Variants in PLXNC1 observed in about 807,000 individuals in gnomAD.
PLXNC1 encodes plexin C1, also known as plexin-C1.
In PLXNC1, 75 loss-of-function variants were observed where a neutral mutation model predicts 178.2. The ratio of observed to expected loss-of-function variants is 0.42; its 90% CI spans 0.35 to 0.51. The LOEUF (loss-of-function observed/expected upper bound fraction) is 0.51, where lower values mean the gene tolerates loss of function less well. PLXNC1 is among the 20% of genes least tolerant of loss of function. The probability of loss-of-function intolerance (pLI) is 0.02; values close to 1 mark genes in which losing one functional copy is unlikely to be tolerated. For missense variants in PLXNC1, 1,503 were observed against 1,984.4 expected (o/e 0.76, Z 4.61); for synonymous variants, 790 against 779.9 (o/e 1.01, Z -0.22).
At chr12:94,298,087 C>T (rs1261034518) in intron 26 of PLXNC1, among the ~76,000 whole-genome samples, 1 of 152,132 alleles carries the variant, frequency 6.6e-6, no homozygotes, top group Non-Finnish European at 1.5e-5. Flanking sequence ...CTGCTTAGAG[C>T]TTAGGAGATT....
intron 27 of PLXNC1, among the ~76,000 whole-genome samples, chr12:94,300,225 G>T (rs1371897383): frequency 6.6e-6 from 1 of 152,224 alleles, no homozygotes; most frequent in South Asian, 2.1e-4. Context: ...GATGATGAGT[G>T]CAGTGGAGAA....
chr12:94,233,667 C>T (rs1470910263), intron 9 of PLXNC1, among the ~76,000 whole-genome samples: 2 of 152,108 alleles, frequency 1.3e-5, no homozygotes, highest in Admixed American at 6.5e-5. Context: ...GAGCCTGTAC[C>T]GAGGGGCCCC....
At chr12:94,218,744 CACAT>C (rs1341914058) in intron 5 of PLXNC1, among the ~76,000 whole-genome samples, 1 of 152,074 alleles carries the variant, frequency 6.6e-6, no homozygotes, top group Admixed American at 6.6e-5. Flanking sequence ...TATCCCTGTA[CACAT>C]ACAAACATAC....
intron 2 of PLXNC1, among the ~76,000 whole-genome samples, chr12:94,171,519 T>C (rs1770711387): frequency 6.6e-6 from 1 of 152,156 alleles, no homozygotes; most frequent in Non-Finnish European, 1.5e-5. Context: ...GGGATGATTG[T>C]TGTTCAAGGT....
At chr12:94,299,567 C>CT (rs34252420) in intron 27 of PLXNC1, among the ~76,000 whole-genome samples, 34 of 151,454 alleles carry the variant, frequency 2.2e-4, no homozygotes, top group African/African-American at 6.8e-4. Context: ...GTTCTAGCCT[C>CT]TTTTTTTTTG....
intron 5 of PLXNC1, among the ~76,000 whole-genome samples, chr12:94,213,200 T>C (rs990009482): frequency 5.3e-5 from 8 of 152,254 alleles, no homozygotes; most frequent in African/African-American, 1.9e-4. Context: ...ATGATATTTC[T>C]AGTTCTAGAT....
At chr12:94,259,028 A>G (rs1964927384) in intron 17 of PLXNC1, among the ~76,000 whole-genome samples, 1 of 152,248 alleles carries the variant, frequency 6.6e-6, no homozygotes, top group Admixed American at 6.5e-5. Flanking sequence ...ATCTTCATCA[A>G]TGACCCCTTC....
intron 23 of PLXNC1, among the ~76,000 whole-genome samples, chr12:94,291,379 A>G (rs1967305076): frequency 1.3e-5 from 2 of 152,100 alleles, no homozygotes; most frequent in African/African-American, 2.4e-5. Flanking sequence ...GTGTGCCACA[A>G]TGCTCAGCGC....
At chr12:94,223,168 C>G (rs894151269) in intron 6 of PLXNC1, among the ~76,000 whole-genome samples, 22 of 152,204 alleles carry the variant, frequency 1.4e-4, no homozygotes, top group Admixed American at 9.8e-4. Context: ...AATCCCAGCA[C>G]TTTGGGAGGC....
intron 21 of PLXNC1, among the ~76,000 whole-genome samples, chr12:94,272,943 G>A (rs1965670222): frequency 6.6e-6 from 1 of 152,198 alleles, no homozygotes; most frequent in Admixed American, 6.5e-5. Context: ...TCAAGCAGAG[G>A]GGAACTGCCC....
chr12:94,244,660 GGAA>G (rs1311442966), intron 12 of PLXNC1, among the ~76,000 whole-genome samples: 1 of 152,176 alleles, frequency 6.6e-6, no homozygotes, highest in African/African-American at 2.4e-5. Context: ...TGGCCACATT[GGAA>G]GAAGAATTGT....
intron 1 of PLXNC1, among the ~76,000 whole-genome samples, chr12:94,156,634 C>T (rs115788994): frequency 0.012 from 1,798 of 151,874 alleles, 35 homozygotes; most frequent in African/African-American, 0.041. Context: ...GGTGCTATCA[C>T]GCCCAGCTAA....
At chr12:94,247,143 C>G (rs866835335) in intron 12 of PLXNC1, among the ~76,000 whole-genome samples, 5 of 152,210 alleles carry the variant, frequency 3.3e-5, no homozygotes, top group South Asian at 4.1e-4. Flanking sequence ...AACTCCCGGG[C>G]TCACGTAACC....
intron 21 of PLXNC1, among the ~76,000 whole-genome samples, chr12:94,271,996 T>C (rs144895154): frequency 3.8e-4 from 58 of 152,238 alleles, no homozygotes; most frequent in African/African-American, 1.3e-3. Flanking sequence ...CAGTATCCCA[T>C]TGGGCAGATG....
chr12:94,256,098 G>C (rs531458411), intron 17 of PLXNC1: 1 of 152,052 alleles, frequency 6.6e-6, no homozygotes, highest in Non-Finnish European at 1.5e-5. Context: ...CTTTTTTGCG[G>C]TATGATGACC....
intron 3 of PLXNC1, among the ~76,000 whole-genome samples, chr12:94,181,985 T>C (rs1192708983): frequency 6.6e-6 from 1 of 152,092 alleles, no homozygotes. Flanking sequence ...TCATACACAT[T>C]CATGAACCAG....
rs1472558696 is a variant in PLXNC1 at position 94,290,474 on chromosome 12, T to C, written c.3880-4012T>C. 3.3e-5 allele frequency among the ~76,000 whole-genome samples: 5 copies of C among 152,264 alleles called. No individual in the cohort carries two copies. In the South Asian group the frequency reaches 1.0e-3, roughly 31 times the overall value. Reference sequence around the variant, plus strand: ...GTTAAGAATCCCTGCTGGAGTCACTTTGCAGAGGCCTGATGGCCCCAGCCG... The same window carrying C: ...GTTAAGAATCCCTGCTGGAGTCACTCTGCAGAGGCCTGATGGCCCCAGCCG... On this transcript the variant is annotated intron_variant, in intron 23 of 30. Transcript: ENST00000258526.
At chr12:94,289,262 C>T (rs1406185632) in intron 23 of PLXNC1, among the ~76,000 whole-genome samples, 2 of 152,136 alleles carry the variant, frequency 1.3e-5, no homozygotes, top group East Asian at 3.9e-4. Context: ...TGAGTGATTA[C>T]AACTTCTCAT....
chr12:94,263,036 T>A (rs1315267422), intron 20 of PLXNC1, among the ~76,000 whole-genome samples: 3 of 152,154 alleles, frequency 2.0e-5, no homozygotes, highest in Non-Finnish European at 4.4e-5. Context: ...AAAGATGGAA[T>A]CTGCCCTGGT....
Sources: allele counts gnomAD v4.1 joint callset (sites outside exome capture counted in the v4.1 genomes callset), GRCh38; gene constraint gnomAD v4.1.1; transcripts MANE v1.5; gene names NCBI Gene and HGNC (gene_info 2026-07-23, HGNC 2026-07-21).